Variants in TMEM143 observed in about 807,000 individuals in gnomAD.
TMEM143 encodes the protein transmembrane protein 143.
TMEM143 carries 45 observed loss-of-function variants against 40.3 expected under a neutral mutation model. That is an observed-to-expected ratio of 1.12 (90% confidence interval 0.88 to 1.43). The LOEUF is 1.43. TMEM143 is among the 40% of genes most tolerant of loss of function. The pLI, the probability that TMEM143 is intolerant of heterozygous loss-of-function variation, is 0.00. For missense variants in TMEM143, 620 were observed against 613.4 expected (o/e 1.01, Z -0.11); for synonymous variants, 299 against 282.7 (o/e 1.06, Z -0.58).
At position 48,348,728 on chromosome 19, in the gene TMEM143, T is replaced by C. The variant is rs149055673; in HGVS notation, c.370-3374A>G. On this transcript the variant is annotated intron_variant, in intron 3 of 7. Transcript: ENST00000293261. ...CCGAGGTCACATGGCCAGGAAGTGG[T>C]GTAACCAGAATGACACATTTGACCA... Among the ~76,000 whole-genome samples, 218 of 152,184 alleles carry C rather than the reference T, an allele frequency of 1.4e-3. 1 individual carries two copies. The highest frequency in any genetic ancestry group is 5.0e-3 in the African/African-American group (208 of 41,518).
intron 3 of TMEM143, among the ~76,000 whole-genome samples, chr19:48,357,720 T>C (rs555832832): frequency 1.3e-5 from 2 of 152,222 alleles, no homozygotes; most frequent in South Asian, 4.1e-4. Flanking sequence ...ATATGGTCTA[T>C]ATACACCATG....
chr19:48,360,353 G>C, intron 2 of TMEM143, 177 bp from the exon 3 acceptor site: 1 of 585,626 alleles, frequency 1.7e-6, no homozygotes, highest in Non-Finnish European at 3.0e-6. Context: ...CCGAGGCAGT[G>C]GATCACTTGA....
At chr19:48,334,430 C>A (rs1449233201) in intron 6 of TMEM143, among the ~76,000 whole-genome samples, 2 of 39,418 alleles carry the variant, frequency 5.1e-5, no homozygotes, top group Non-Finnish European at 1.0e-4. Flanking sequence ...TTCTTTCTTT[C>A]TTTCTTTCTT....
chr19:48,349,633 G>A (rs936577591), intron 3 of TMEM143, among the ~76,000 whole-genome samples: 1 of 151,932 alleles, frequency 6.6e-6, no homozygotes, highest in African/African-American at 2.4e-5. Flanking sequence ...ACAACAGAGT[G>A]TGTCAGTGTG....
rs1970125848 is a variant in TMEM143, at chr19:48,363,771, G to A, written c.23+127C>T. ...TTTCAGGCCCAGAGACCCTGTAGTG[G>A]TACAACGTTTCTTTGGGGTCTAGAC... On this transcript the variant is annotated intron_variant, in intron 1 of 7. Coordinates refer to ENST00000293261, the MANE Select transcript of TMEM143 (RefSeq NM_018273.4). The A allele has an allele frequency of 2.6e-6, 4 of 1,516,290 alleles. No homozygotes were observed. The South Asian group carries it at 3.4e-5, about 13-fold the overall frequency. The allele number at this position is 1,516,290 out of a possible 1,614,324, so 93.9% of individuals were successfully genotyped here.
intron 1 of TMEM143, 168 bp from the exon 2 acceptor site, chr19:48,363,699 G>T: frequency 7.3e-7 from 1 of 1,369,018 alleles, no homozygotes; most frequent in Non-Finnish European, 9.9e-7. Context: ...CTGCTCAGTT[G>T]GCCTGGGTCC....
At chr19:48,351,402 G>T (rs1249348419) in intron 3 of TMEM143, among the ~76,000 whole-genome samples, 1 of 152,092 alleles carries the variant, frequency 6.6e-6, no homozygotes, top group East Asian at 1.9e-4. Context: ...CCTGGGAGCT[G>T]TTCTCCCCGC....
intron 3 of TMEM143, among the ~76,000 whole-genome samples, chr19:48,354,239 G>A (rs558377620): frequency 1.4e-5 from 2 of 145,630 alleles, no homozygotes; most frequent in Non-Finnish European, 3.0e-5. Context: ...GATTATAGGC[G>A]TGAGCCACCG....
At chr19:48,353,167 T>G (rs1382214575) in intron 3 of TMEM143, among the ~76,000 whole-genome samples, 2 of 147,918 alleles carry the variant, frequency 1.4e-5, no homozygotes, top group Non-Finnish European at 3.0e-5. Flanking sequence ...CATCTGAATT[T>G]CAGATCAACG....
chr19:48,350,560 CCA>C (rs1165618595), intron 3 of TMEM143, among the ~76,000 whole-genome samples: 1 of 152,016 alleles, frequency 6.6e-6, no homozygotes, highest in African/African-American at 2.4e-5. Context: ...CGATGCAGGC[CCA>C]GTTTCACTCC....
intron 2 of TMEM143, among the ~76,000 whole-genome samples, chr19:48,361,315 G>A (rs374439632): frequency 1.2e-4 from 18 of 151,324 alleles, no homozygotes; most frequent in African/African-American, 4.4e-4. Flanking sequence ...CTTCCTCCAC[G>A]GTTCAAGCAA....
At chr19:48,357,492 T>C (rs541904649) in intron 3 of TMEM143, among the ~76,000 whole-genome samples, 20 of 151,924 alleles carry the variant, frequency 1.3e-4, no homozygotes, top group African/African-American at 4.8e-4. Flanking sequence ...TAGCTGGGAC[T>C]ACAGGCGCCC....
rs1482535361 is a variant in TMEM143, at chr19:48,333,605, G to A, written c.1166-172C>T. ...GAACAAGGCCCAGGAGGGTCGAGAG[G>A]GCCAGAAGGCCCAGCTCTGGGGCTT... On this transcript the variant is annotated intron_variant, in intron 7 of 7. Coordinates refer to ENST00000293261, the MANE Select transcript of TMEM143 (RefSeq NM_018273.4). The surrounding 1 kb of genome is among the most constrained non-coding windows in gnomAD (Gnocchi z 4.1). Among the ~76,000 whole-genome samples, 1 of 152,160 alleles carries A rather than the reference G, an allele frequency of 6.6e-6. No homozygotes were observed. The highest frequency in any genetic ancestry group is 6.5e-5 in the Admixed American group (1 of 15,280).
intron 3 of TMEM143, among the ~76,000 whole-genome samples, chr19:48,352,257 A>AC: frequency 1.4e-5 from 2 of 144,560 alleles, no homozygotes; most frequent in Admixed American, 6.9e-5. Context: ...AAAAAAAAAA[A>AC]AAAAACACCA....
At chr19:48,342,924 A>C in intron 5 of TMEM143, 115 bp from the exon 6 acceptor site, 1 of 1,282,124 alleles carries the variant, frequency 7.8e-7, no homozygotes, top group South Asian at 1.6e-5. Context: ...CTTAAAAGCG[A>C]CTCAGTAATC....
intron 4 of TMEM143, among the ~76,000 whole-genome samples, chr19:48,343,855 G>A (rs1401609580): frequency 2.0e-5 from 3 of 152,084 alleles, no homozygotes; most frequent in African/African-American, 7.2e-5. Context: ...TGTGGAATTT[G>A]GGGAGATTTT....
At chr19:48,353,916 C>T (rs1458532806) in intron 3 of TMEM143, among the ~76,000 whole-genome samples, 5 of 151,862 alleles carry the variant, frequency 3.3e-5, no homozygotes, top group Non-Finnish European at 7.4e-5. Context: ...ACCATAGATG[C>T]TTCCCTCTCA....
intron 6 of TMEM143, among the ~76,000 whole-genome samples, chr19:48,337,319 C>T (rs6509378): frequency 0.4 from 61,139 of 151,570 alleles, 12,554 homozygotes; most frequent in Middle Eastern, 0.48. Context: ...GAGGCCGAGG[C>T]GGGCGGATCA....
chr19:48,343,351 C>A lies in TMEM143; in HGVS notation c.665G>T (p.Gly222Val), dbSNP rs3760791. ...PLKSSVGSRRGFFTKLPPAER... is the reference protein window; with the variant it reads ...PLKSSVGSRRVFFTKLPPAER... ...CGCAGGGGGCAGCTTGGTGAAGAAG[C>A]CACGCCTGGAGCCCACGCTGGACTT... is the stretch of plus-strand genomic sequence containing the variant. The change falls in exon 5 of 8, where the codon GGC becomes GTC. Residue 222 changes from glycine to valine, a missense_variant. Coordinates refer to ENST00000293261, the MANE Select transcript of TMEM143 (RefSeq NM_018273.4). 726 of 1,610,634 alleles carry A rather than the reference C, an allele frequency of 4.5e-4. 12 individuals carry two copies. In the East Asian group the frequency reaches 0.016, roughly 36 times the overall value.
Sources: gnomAD v4.1 joint callset for allele counts (sites outside exome capture counted in the v4.1 genomes callset) on GRCh38, gnomAD v4.1.1 for gene constraint, Gnocchi (gnomAD v3.1) non-coding constraint, MANE v1.5 for transcripts, NCBI Gene and HGNC (gene_info 2026-07-23, HGNC 2026-07-21) for gene names.